CAP2: variants seen among roughly 807,000 people sequenced by gnomAD.
CAP2 encodes cyclase associated actin cytoskeleton regulatory protein 2.
CAP2 carries 24 observed loss-of-function variants against 57.7 expected under a neutral mutation model. That is an observed-to-expected ratio of 0.42 (90% CI 0.30 to 0.58). The LOEUF (loss-of-function observed/expected upper bound fraction) is 0.58, where lower values mean the gene tolerates loss of function less well. CAP2 is among the 20% of genes least tolerant of loss of function. CAP2 has a pLI of 0.22. For synonymous variants in CAP2, 194 were observed against 207.2 expected (o/e 0.94, Z 0.55); for missense variants, 501 against 590.3 (o/e 0.85, Z 1.57).
chr6:17,521,741 C>T (rs546028654), intron 7 of CAP2, among the ~76,000 whole-genome samples: 60 of 152,228 alleles, frequency 3.9e-4, no homozygotes, highest in Middle Eastern at 6.8e-3. Flanking sequence ...ACCAGGACCA[C>T]GTGGAAGATA....
chr6:17,525,218 A>G (rs1762477126), intron 7 of CAP2, among the ~76,000 whole-genome samples: 1 of 151,984 alleles, frequency 6.6e-6, no homozygotes, highest in Non-Finnish European at 1.5e-5. Context: ...AGAGTATTAA[A>G]TCTTTCTCTC....
intron 7 of CAP2, among the ~76,000 whole-genome samples, chr6:17,526,956 C>CAAAAAAAAA (rs1221212193): frequency 2.5e-5 from 2 of 80,092 alleles, no homozygotes; most frequent in African/African-American, 5.1e-5. Context: ...GACTCTGTCT[C>CAAAAAAAAA]AAAAAAAAAA....
At chr6:17,526,976 A>AAG (rs1333955786) in intron 7 of CAP2, among the ~76,000 whole-genome samples, 99 of 151,388 alleles carry the variant, frequency 6.5e-4, no homozygotes, top group Non-Finnish European at 1.2e-3. Flanking sequence ...AAAAAAAAAA[A>AAG]AAGAACACAT....
chr6:17,454,253 C>T (rs907913290), intron 3 of CAP2, among the ~76,000 whole-genome samples: 2 of 151,860 alleles, frequency 1.3e-5, no homozygotes, highest in South Asian at 2.1e-4. Flanking sequence ...GGGAGACCAC[C>T]GTGACTGGAG....
At chr6:17,454,125 G>T (rs1185755473) in intron 3 of CAP2, among the ~76,000 whole-genome samples, 1 of 151,602 alleles carries the variant, frequency 6.6e-6, no homozygotes, top group Non-Finnish European at 1.5e-5. Flanking sequence ...GCCCAGGCTG[G>T]TCTCAAACTC....
chr6:17,529,980 CAA>C (rs1329159000), intron 7 of CAP2, among the ~76,000 whole-genome samples: 7 of 136,158 alleles, frequency 5.1e-5, no homozygotes, highest in Admixed American at 7.4e-5. Context: ...ATAGTGAGAC[CAA>C]AAAAAAAAAA....
rs926701851 is a variant in CAP2, at chr6:17,498,195, G to T, written c.301-8974G>T. Among the ~76,000 whole-genome samples the T allele has an allele frequency of 2.0e-5, 3 of 152,140 alleles. No homozygotes were observed. In the East Asian group the frequency reaches 5.8e-4, roughly 29 times the overall value. ...ACAAAATCTAGAAATGATGAGATGG[G>T]AATCACATCTGTGAACAATGGCAAA... On this transcript the variant is annotated intron_variant, in intron 4 of 12. Coordinates refer to ENST00000229922, the MANE Select transcript of CAP2 (RefSeq NM_006366.3).
At chr6:17,422,135 A>C (rs1469427967) in intron 2 of CAP2, among the ~76,000 whole-genome samples, 4 of 152,228 alleles carry the variant, frequency 2.6e-5, no homozygotes, top group Non-Finnish European at 5.9e-5. Flanking sequence ...TGTTATCTAC[A>C]TAATTATCAA....
intron 7 of CAP2, among the ~76,000 whole-genome samples, chr6:17,516,578 C>T (rs1762278377): frequency 1.3e-5 from 2 of 152,178 alleles, no homozygotes; most frequent in African/African-American, 2.4e-5. Context: ...CTCGTGTAAC[C>T]AAACGCCATC....
rs555900929 is a variant in CAP2, at chr6:17,439,780, T to C, written c.222+13090T>C. 7.9e-5 allele frequency among the ~76,000 whole-genome samples: 12 copies of C among 151,532 alleles called. No homozygotes were observed. In the South Asian group the frequency reaches 2.5e-3, roughly 31 times the overall value. Reference sequence around the variant, plus strand: ...ACAGGTGGTGGAGCTCGGGCGGTAATGCAAGCGATGGGGAGTGGCTATAAA... The same window carrying C: ...ACAGGTGGTGGAGCTCGGGCGGTAACGCAAGCGATGGGGAGTGGCTATAAA... On this transcript the variant is annotated intron_variant, in intron 3 of 12. Coordinates refer to ENST00000229922, the MANE Select transcript of CAP2 (RefSeq NM_006366.3).
At chr6:17,405,893 A>G (rs1416006153) in intron 1 of CAP2, among the ~76,000 whole-genome samples, 14 of 152,004 alleles carry the variant, frequency 9.2e-5, no homozygotes, top group Non-Finnish European at 1.2e-4. Flanking sequence ...GGCTCAGGCC[A>G]CCACACTCAG....
In CAP2 at chr6:17,542,853, G is replaced by A. The variant is rs780374161; in HGVS notation, c.1019G>A (p.Arg340Lys). The A allele has an allele frequency of 6.2e-7, 1 of 1,612,000 alleles. No homozygotes were observed. The highest frequency in any genetic ancestry group is 2.2e-5 in the East Asian group (1 of 44,864). ...KKWRVEYQED[R>K]NDLVISETEL... is the part of the protein sequence containing the mutation. ...TAATTCTAGGAGTACCAAGAGGACAGGAATGACCTTGTGATTTCAGAGACT... is the reference window on the plus strand; with the variant it reads ...TAATTCTAGGAGTACCAAGAGGACAAGAATGACCTTGTGATTTCAGAGACT... The change falls in exon 10 of 13, where the codon AGG becomes AAG. Residue 340 changes from arginine (R) to lysine (K), a missense_variant. Transcript: ENST00000229922.
intron 1 of CAP2, among the ~76,000 whole-genome samples, chr6:17,409,773 C>T (rs1488580831): frequency 1.3e-5 from 2 of 152,122 alleles, no homozygotes; most frequent in Non-Finnish European, 2.9e-5. Flanking sequence ...TTGATTGGCA[C>T]CACCTTCCCT....
intron 4 of CAP2, among the ~76,000 whole-genome samples, chr6:17,483,765 G>A (rs576002101): frequency 2.6e-5 from 4 of 152,166 alleles, no homozygotes; most frequent in East Asian, 3.9e-4. Context: ...TCCTCTCCCC[G>A]GCGTGGCTGA....
chr6:17,420,016 C>G (rs1259653715), intron 1 of CAP2, among the ~76,000 whole-genome samples: 1 of 152,250 alleles, frequency 6.6e-6, no homozygotes, highest in African/African-American at 2.4e-5. Flanking sequence ...GGATTACAGG[C>G]GTGTGCCATC....
chr6:17,483,349 G>A (rs1038855836), intron 4 of CAP2, among the ~76,000 whole-genome samples: 3 of 151,838 alleles, frequency 2.0e-5, no homozygotes, highest in African/African-American at 7.3e-5. Context: ...TTCCTCCATT[G>A]TTTTCCTGTC....
At chr6:17,453,795 A>T (rs900339791) in intron 3 of CAP2, among the ~76,000 whole-genome samples, 3 of 152,138 alleles carry the variant, frequency 2.0e-5, no homozygotes, top group Non-Finnish European at 2.9e-5. Flanking sequence ...CAATCTTGGG[A>T]AATTCACTAA....
intron 3 of CAP2, among the ~76,000 whole-genome samples, chr6:17,444,829 C>T (rs1760209889): frequency 6.7e-6 from 1 of 149,998 alleles, no homozygotes; most frequent in South Asian, 2.1e-4. Flanking sequence ...CACACACACA[C>T]ACACACACAC....
intron 3 of CAP2, among the ~76,000 whole-genome samples, chr6:17,437,454 C>T (rs552952108): frequency 1.3e-5 from 2 of 152,266 alleles, no homozygotes; most frequent in African/African-American, 4.8e-5. Context: ...GTGTCTGTTT[C>T]CCCAAACTCA....
Sources: gnomAD v4.1 joint callset for allele counts (sites outside exome capture counted in the v4.1 genomes callset) on GRCh38, gnomAD v4.1.1 for gene constraint, MANE v1.5 for transcripts, NCBI Gene and HGNC (gene_info 2026-07-23, HGNC 2026-07-21) for gene names.